Variants in TTC6 observed in about 807,000 individuals in gnomAD.
The protein encoded by TTC6 is tetratricopeptide repeat protein 6.
A neutral mutation model predicts 210.4 loss-of-function variants in TTC6; 172 were observed. That is an observed-to-expected ratio of 0.82 (90% confidence interval 0.72 to 0.93). The LOEUF is 0.93. TTC6 is among the 40% of genes least tolerant of loss of function. The pLI, the probability that TTC6 is intolerant of heterozygous loss-of-function variation, is 0.00. For missense variants in TTC6, 2,414 were observed against 2,318.1 expected, an observed-to-expected ratio of 1.04 and a Z score of -0.85; for synonymous variants, 804 against 819.6, an observed-to-expected ratio of 0.98 and a Z score of 0.32.
chr14:37,606,612 A>C, intron 1 of TTC6, 51 bp from the exon 2 acceptor site: 2 of 467,848 alleles, frequency 4.3e-6, no homozygotes, highest in Non-Finnish European at 5.6e-6. Flanking sequence ...TGAGTGACTC[A>C]TTTTCTCTTG....
chr14:37,622,514 C>T (rs1175427569), exon 1 of TTC6: 2 of 1,535,196 alleles, frequency 1.3e-6, no homozygotes, highest in East Asian at 2.5e-5. Context: ...GACCCGTGGT[C>T]CTGCTGCCTC....
Position 37,790,825 on chromosome 14 carries a change from T to G in TTC6, c.3545T>G (p.Ile1182Ser), listed in dbSNP as rs981331676. 4.6e-6 allele frequency: 7 copies of G among 1,533,586 alleles called. No homozygotes were observed. The Admixed American group carries it at 9.9e-5, about 22-fold the overall frequency. 95.0% of individuals were successfully genotyped at this position (1,533,586 alleles called of 1,614,324 possible). Residue 1182 changes from isoleucine (I) to serine (S), a missense_variant, in exon 16 of 31, where the codon ATT (isoleucine) becomes AGT (serine). Coordinates refer to ENST00000553443, the Ensembl canonical transcript of TTC6. The stretch of plus-strand genomic sequence containing the variant: ...GCAATTTGTGACTTTGAAACTGTCA[T>G]TTCTCTAGAAAGGTATGTTTTCCTT...
In TTC6 at chr14:37,752,114, C is replaced by T. The variant is rs187776292; in HGVS notation, c.3129+889C>T. 2.3e-3 allele frequency among the ~76,000 whole-genome samples: 357 copies of T among 152,120 alleles called. 7 individuals are homozygous for T. The highest frequency in any genetic ancestry group is 0.01 in the Middle Eastern group (3 of 292). ...TGGTGGGGTTACAGGCGTGAGCCAC[C>T]GTGCCCGGCCAGGAAATGAACTTTT... On this transcript the variant is annotated intron_variant, in intron 13 of 30. Transcript: ENST00000553443.
In TTC6 at chr14:37,654,318, C is replaced by T. The variant is rs177868; in HGVS notation, c.940-25833C>T. Among the ~76,000 whole-genome samples, 249 of 152,106 alleles carry T rather than the reference C, an allele frequency of 1.6e-3. 1 individual carries two copies. The highest frequency in any genetic ancestry group is 8.3e-3 in the East Asian group (43 of 5,164). On this transcript the variant is annotated intron_variant, in intron 1 of 30. Transcript: ENST00000553443. ...TTGAGGGGATGGATACCCCATTTTC[C>T]GTGATGTGGTTGTTTCACATTGCCC...
intron 14 of TTC6, among the ~76,000 whole-genome samples, chr14:37,778,902 A>C (rs1362914577): frequency 6.6e-6 from 1 of 152,156 alleles, no homozygotes; most frequent in Admixed American, 6.5e-5. Context: ...CAACTCCCCT[A>C]GGGCTAAAGT....
intron 6 of TTC6, among the ~76,000 whole-genome samples, chr14:37,721,268 A>G (rs1480493131): frequency 6.6e-6 from 1 of 152,154 alleles, no homozygotes. Context: ...TCTTTTACTC[A>G]TGGATTATTT....
chr14:37,789,887 T>G (rs1003666511), intron 15 of TTC6, among the ~76,000 whole-genome samples: 1 of 152,072 alleles, frequency 6.6e-6, no homozygotes, highest in East Asian at 1.9e-4. Context: ...GCAAACATTA[T>G]GCATATTTTG....
intron 7 of TTC6, among the ~76,000 whole-genome samples, chr14:37,729,707 C>A (rs555265952): frequency 4.3e-4 from 65 of 152,180 alleles, no homozygotes; most frequent in Non-Finnish European, 8.2e-4. Context: ...GTTCCCCCTG[C>A]CTACTCCTGC....
In TTC6 at chr14:37,736,011, G is replaced by T; in HGVS notation, c.1908+1G>T. ...TCAACATAGCAGAACAAATTTTTGGGTATGTACAATTTTTGTTCTTAATTA... is the reference window on the plus strand; with the variant it reads ...TCAACATAGCAGAACAAATTTTTGGTTATGTACAATTTTTGTTCTTAATTA... On this transcript the variant is annotated splice_donor_variant, in intron 8 of 30. Transcript: ENST00000553443. LOFTEE classifies it high-confidence loss of function. 4 of 1,503,512 alleles carry T rather than the reference G, an allele frequency of 2.7e-6. No homozygotes were observed. Among genetic ancestry groups the T allele is most frequent in the Non-Finnish European group, 3.6e-6 (4 of 1,119,826 alleles). The allele number at this position is 1,503,512 out of a possible 1,614,324, so 93.1% of individuals were successfully genotyped here.
intron 20 of TTC6, chr14:37,802,536 T>C (rs1326883143): frequency 6.6e-6 from 1 of 152,136 alleles, no homozygotes; most frequent in Non-Finnish European, 1.5e-5. Flanking sequence ...GACACATTGA[T>C]AGCAGCTTTG....
rs146421157 is a variant in TTC6 at position 37,733,020 on chromosome 14, A to G, written c.1819-2901A>G. ...AATCTGTAAATAAGTAGATTTTCTG[A>G]ACCCATGAAGTTCAAACCCATGTTA... On this transcript the variant is annotated intron_variant, in intron 7 of 30. Transcript: ENST00000553443. 3.2e-3 allele frequency among the ~76,000 whole-genome samples: 487 copies of G among 152,332 alleles called. 1 individual carries two copies. The highest frequency in any genetic ancestry group is 0.01 in the Middle Eastern group (3 of 294).
chr14:37,802,745 T>A (rs1337400286), intron 20 of TTC6, among the ~76,000 whole-genome samples: 1 of 151,908 alleles, frequency 6.6e-6, no homozygotes, highest in Non-Finnish European at 1.5e-5. Context: ...CTCTTTTTTT[T>A]TTTTTTGAGA....
At chr14:37,788,768 C>A (rs2096073173) in intron 15 of TTC6, among the ~76,000 whole-genome samples, 1 of 152,136 alleles carries the variant, frequency 6.6e-6, no homozygotes, top group Admixed American at 6.5e-5. Context: ...GTCTACTAAT[C>A]TGTTACTGAA....
chr14:37,623,298 C>G (rs2095654914), intron 1 of TTC6, among the ~76,000 whole-genome samples: 1 of 152,142 alleles, frequency 6.6e-6, no homozygotes, highest in East Asian at 1.9e-4. Context: ...TAGGAGCCTT[C>G]CCCTTCAAAG....
intron 29 of TTC6, among the ~76,000 whole-genome samples, chr14:37,839,841 G>A (rs2139054739): frequency 6.6e-6 from 1 of 152,258 alleles, no homozygotes; most frequent in South Asian, 2.1e-4. Context: ...GGAAGGAAGG[G>A]ATCTAGTCTC....
intron 7 of TTC6, among the ~76,000 whole-genome samples, chr14:37,727,852 A>AAG (rs35705410): frequency 0.23 from 34,516 of 152,038 alleles, 4,238 homozygotes; most frequent in South Asian, 0.3. Flanking sequence ...TTATTAGCGT[A>AAG]AAAATATATT....
At chr14:37,688,489 C>T (rs1262094730) in intron 3 of TTC6, among the ~76,000 whole-genome samples, 1 of 152,004 alleles carries the variant, frequency 6.6e-6, no homozygotes, top group Admixed American at 6.6e-5. Context: ...GAGCGAGACC[C>T]AGAGCTGTGC....
intron 14 of TTC6, among the ~76,000 whole-genome samples, chr14:37,784,828 A>G (rs970787716): frequency 3.9e-5 from 6 of 152,126 alleles, no homozygotes; most frequent in Non-Finnish European, 7.4e-5. Flanking sequence ...TGGTGACAAA[A>G]TCTCTCAGCA....
At chr14:37,781,591 A>G (rs546652159) in intron 14 of TTC6, among the ~76,000 whole-genome samples, 1 of 152,176 alleles carries the variant, frequency 6.6e-6, no homozygotes, top group East Asian at 1.9e-4. Flanking sequence ...GTTCACTCTG[A>G]TGGTAGTTTC....
Sources: gnomAD v4.1 joint callset for allele counts (sites outside exome capture counted in the v4.1 genomes callset) on GRCh38, gnomAD v4.1.1 for gene constraint, MANE v1.5 for transcripts, NCBI Gene and HGNC (gene_info 2026-07-23, HGNC 2026-07-21) for gene names.